The following CAPN3 variants were observed in gnomAD, a reference collection of about 807,000 sequenced individuals.
CAPN3 encodes calpain-3.
CAPN3 carries 88 observed loss-of-function variants against 114.0 expected under a neutral mutation model. That is an observed-to-expected ratio of 0.77 (90% CI 0.65 to 0.92). The LOEUF (loss-of-function observed/expected upper bound fraction) is 0.92. CAPN3 is among the 40% of genes least tolerant of loss of function. CAPN3 has a pLI of 0.00. For synonymous variants in CAPN3, 386 were observed against 382.9 expected (o/e 1.01, Z -0.09); for missense variants, 1,028 against 1,069.0 (o/e 0.96, Z 0.53).
intron 1 of CAPN3, among the ~76,000 whole-genome samples, chr15:42,362,689 T>C (rs1341446966): frequency 6.6e-6 from 1 of 152,224 alleles, no homozygotes; most frequent in East Asian, 1.9e-4. Context: ...TGCTCCAGTG[T>C]CCTTGCTTTA....
chr15:42,360,626 T>C (rs892220165), intron 1 of CAPN3, among the ~76,000 whole-genome samples: 6 of 152,218 alleles, frequency 3.9e-5, no homozygotes, highest in African/African-American at 1.4e-4. Context: ...AGGCAAGGAA[T>C]ATTTTTTCAT....
chr15:42,365,956 T>G (rs1408759056), intron 1 of CAPN3, among the ~76,000 whole-genome samples: 1 of 152,188 alleles, frequency 6.6e-6, no homozygotes, highest in Non-Finnish European at 1.5e-5. Flanking sequence ...GAATAGAGTT[T>G]AGATAAGTTT....
chr15:42,403,920 G>A, intron 14 of CAPN3, 143 bp downstream of exon 14: 5 of 807,972 alleles, frequency 6.2e-6, no homozygotes, highest in South Asian at 4.1e-5. Flanking sequence ...CCTTGGCACT[G>A]CAAATCCTAC....
Position 42,373,447 on chromosome 15 carries a change from GTCC to G in CAPN3, c.310-11031_310-11029del. On this transcript the variant is annotated intron_variant, in intron 1 of 23. Transcript: ENST00000397163. ...TCATGAGCAGACAGGGAGACTGGGT[GTCC>G]TCCTAGCGGGCAAGCTGCCAGGCCT... Among the ~76,000 whole-genome samples, 3 of 152,336 alleles carry G rather than the reference GTCC, an allele frequency of 2.0e-5. No individual in the cohort carries two copies. In the South Asian group the frequency reaches 6.2e-4, roughly 32 times the overall value.
intron 9 of CAPN3, among the ~76,000 whole-genome samples, chr15:42,398,147 C>T (rs947509541): frequency 7.2e-6 from 1 of 139,698 alleles, no homozygotes; most frequent in Admixed American, 6.8e-5. Flanking sequence ...ACATATGTAC[C>T]CATATTTTGG....
Position 42,389,943 on chromosome 15 carries a change from C to T in CAPN3, c.802-10C>T, listed in dbSNP as rs747895099. 1.3e-5 allele frequency: 21 copies of T among 1,613,796 alleles called. No homozygotes were observed. Among genetic ancestry groups the T allele is most frequent in the East Asian group, 6.7e-5 (3 of 44,858 alleles). On this transcript the variant is annotated splice_polypyrimidine_tract_variant and intron_variant, in intron 5 of 23. Transcript: ENST00000397163. ...CTGTGTTGTTCCCTACATTCTCCAT[C>T]GGGCCTCAGGATGGCACGAACATGA...
chr15:42,394,149 C>G (rs1054305001), intron 7 of CAPN3, 107 bp from the exon 8 acceptor site: 1 of 1,018,884 alleles, frequency 9.8e-7, no homozygotes, highest in Non-Finnish European at 1.5e-6. Context: ...GCAGAACACC[C>G]TCGCGTAAGA....
intron 16 of CAPN3, 32 bp from the exon 17 acceptor site, chr15:42,409,271 C>A: frequency 6.2e-7 from 1 of 1,610,916 alleles, no homozygotes; most frequent in Non-Finnish European, 8.5e-7. Flanking sequence ...CCTCTGACCC[C>A]TGTGAACCAG....
intron 1 of CAPN3, chr15:42,374,355 G>C (rs1363753803): frequency 6.6e-6 from 1 of 152,240 alleles, no homozygotes; most frequent in Non-Finnish European, 1.5e-5. Context: ...GAAATGGAGA[G>C]GGCACCATCG....
At chr15:42,398,150 T>C (rs1398118079) in intron 9 of CAPN3, among the ~76,000 whole-genome samples, 1 of 152,108 alleles carries the variant, frequency 6.6e-6, no homozygotes, top group Non-Finnish European at 1.5e-5. Flanking sequence ...TATGTACCCA[T>C]ATTTTGGGGG....
chr15:42,399,393 A>G, intron 9 of CAPN3, 99 bp from the exon 10 acceptor site: 1 of 965,622 alleles, frequency 1.0e-6, no homozygotes, highest in South Asian at 1.3e-5. Context: ...AGTTCCTGTG[A>G]ACTATTTTAT....
intron 7 of CAPN3, 51 bp downstream of exon 7, chr15:42,392,773 C>A: frequency 1.3e-6 from 2 of 1,482,550 alleles, no homozygotes; most frequent in Non-Finnish European, 1.9e-6. Context: ...GGGTTAACCT[C>A]ATGAAGTCAG....
At chr15:42,368,336 T>C (rs1281394066) in intron 1 of CAPN3, among the ~76,000 whole-genome samples, 1 of 152,218 alleles carries the variant, frequency 6.6e-6, no homozygotes, top group Non-Finnish European at 1.5e-5. Context: ...GTGCTTTTTA[T>C]TGGTGACCTC....
chr15:42,375,958 C>T (rs2053079513), intron 1 of CAPN3, among the ~76,000 whole-genome samples: 1 of 152,168 alleles, frequency 6.6e-6, no homozygotes, highest in Non-Finnish European at 1.5e-5. Flanking sequence ...TCTGCCTTCT[C>T]TGGTGTTTTA....
chr15:42,390,951 ATGG>A (rs1181829743), intron 6 of CAPN3, among the ~76,000 whole-genome samples: 2 of 150,522 alleles, frequency 1.3e-5, no homozygotes, highest in African/African-American at 2.4e-5. Context: ...ACCACCACAC[ATGG>A]CTAATTTTTG....
intron 1 of CAPN3, among the ~76,000 whole-genome samples, chr15:42,382,120 A>G (rs887014762): frequency 6.6e-6 from 1 of 152,312 alleles, no homozygotes; most frequent in Non-Finnish European, 1.5e-5. Context: ...CTTCTGGCAT[A>G]AAAAGGCCTT....
At chr15:42,408,672 TA>T (rs2054100262) in intron 16 of CAPN3, 1 of 368,294 alleles carries the variant, frequency 2.7e-6, no homozygotes, top group Non-Finnish European at 5.3e-6. Context: ...CATTTCACAA[TA>T]GGGGGATAAA....
intron 14 of CAPN3, chr15:42,405,054 C>T (rs1566982193): frequency 2.0e-6 from 2 of 982,634 alleles, no homozygotes; most frequent in Non-Finnish European, 2.4e-6. Context: ...CGAGGGTCAA[C>T]AGGAATGTTG....
At chr15:42,377,974 T>G (rs950653944) in intron 1 of CAPN3, among the ~76,000 whole-genome samples, 3 of 152,224 alleles carry the variant, frequency 2.0e-5, no homozygotes, top group Non-Finnish European at 2.9e-5. Flanking sequence ...ATTCCCTTAT[T>G]ATCCCTTTAA....
Sources: gnomAD v4.1 joint callset for allele counts (sites outside exome capture counted in the v4.1 genomes callset) on GRCh38, gnomAD v4.1.1 for gene constraint, MANE v1.5 for transcripts, NCBI Gene and HGNC (gene_info 2026-07-23, HGNC 2026-07-21) for gene names.